POLR3B: variants seen among roughly 807,000 people sequenced by gnomAD.
POLR3B encodes RNA polymerase III subunit B, also known as DNA-directed RNA polymerase III subunit RPC2.
POLR3B carries 96 observed loss-of-function variants against 147.4 expected under a neutral mutation model. The ratio of observed to expected loss-of-function variants is 0.65; its 90% confidence interval spans 0.55 to 0.77. POLR3B has a LOEUF of 0.77. Ranked by LOEUF, POLR3B falls within the 30% of genes least tolerant of loss-of-function variation. POLR3B has a pLI of 0.00. For synonymous variants in POLR3B, 461 were observed against 485.9 expected (o/e 0.95, Z 0.67); for missense variants, 1,036 against 1,413.5 (o/e 0.73, Z 4.28).
chr12:106,477,891 C>CTTTTT (rs34915594), intron 23 of POLR3B, among the ~76,000 whole-genome samples: 962 of 70,498 alleles, frequency 0.014, 140 homozygotes, highest in South Asian at 0.026. Flanking sequence ...GGCTCCTCCC[C>CTTTTT]TTTTTTTTTT....
At chr12:106,426,267 T>TGTGTGTGTGTG (rs1565892652) in intron 12 of POLR3B, among the ~76,000 whole-genome samples, 15 of 148,996 alleles carry the variant, frequency 1.0e-4, no homozygotes, top group East Asian at 2.0e-4. Flanking sequence ...TGTGTGTGTG[T>TGTGTGTGTGTG]TTAAGACAGA....
chr12:106,484,563 C>T (rs1430310998), intron 23 of POLR3B, among the ~76,000 whole-genome samples: 2 of 151,474 alleles, frequency 1.3e-5, no homozygotes, highest in East Asian at 3.9e-4. Flanking sequence ...TTGAGACCAG[C>T]CTGGGCAGTA....
In POLR3B at chr12:106,509,448, G is replaced by A. The variant is rs1368448476; in HGVS notation, c.3301G>A (p.Val1101Met). ...CCATTACTGCAAGTCATCCTGCCAC[G>A]TGTCTTCCCTCCGTATTCCGTATGC... is the stretch of plus-strand genomic sequence containing the variant. ...WCHYCKSSCH[V>M]SSLRIPYACK... is the part of the protein sequence containing the mutation. The change falls in exon 28 of 28, where the codon GTG becomes ATG. Residue 1101 changes from valine (V) to methionine (M), a missense_variant. Coordinates refer to ENST00000228347, the MANE Select transcript of POLR3B (RefSeq NM_018082.6). 1 of 1,613,726 alleles carries A rather than the reference G, an allele frequency of 6.2e-7. No homozygotes were observed. The highest frequency in any genetic ancestry group is 1.7e-5 in the Admixed American group (1 of 60,004).
chr12:106,475,587 C>T (rs878929591), intron 23 of POLR3B, among the ~76,000 whole-genome samples: 5 of 121,436 alleles, frequency 4.1e-5, no homozygotes, highest in Admixed American at 8.0e-5. Flanking sequence ...TAGTTAGCTC[C>T]TCTTGTTGAA....
Position 106,433,800 on chromosome 12 carries a change from A to C in POLR3B, c.1709A>C (p.Glu570Ala), listed in dbSNP as rs1430069825. 1.2e-6 allele frequency: 2 copies of C among 1,613,050 alleles called. No individual in the cohort carries two copies. The highest frequency in any genetic ancestry group is 3.3e-5 in the Admixed American group (2 of 60,016). ...ATGAGAAGAGCAGGATATATCAATG[A>C]ATTTGTTTCCATCTCAACAAATCTT... ...RLMRRAGYIN[E>A]FVSISTNLTD... The change falls in exon 16 of 28, where the codon GAA becomes GCA. Residue 570 changes from glutamate (E) to alanine (A), a missense_variant. Coordinates refer to ENST00000228347, the MANE Select transcript of POLR3B (RefSeq NM_018082.6).
Position 106,421,736 on chromosome 12 carries a change from A to G in POLR3B, c.1102-5461A>G, listed in dbSNP as rs370605974. On this transcript the variant is annotated intron_variant, in intron 12 of 27. Transcript: ENST00000228347. ...ATTTTTTGAGACAGAGTCTGGCTCT[A>G]TCGCCCAGGCTGGAGTGCAGTGGCA... 1.1e-3 allele frequency among the ~76,000 whole-genome samples: 161 copies of G among 151,994 alleles called. 4 individuals are homozygous for G. The East Asian group carries it at 0.017, about 16-fold the overall frequency.
Position 106,459,366 on chromosome 12 carries a change from A to G in POLR3B, c.2568A>G (p.Ile856Met), listed in dbSNP as rs754879484. The G allele has an allele frequency of 6.9e-7, 1 of 1,442,106 alleles. No individual in the cohort carries two copies. The highest frequency in any genetic ancestry group is 9.8e-7 in the Non-Finnish European group (1 of 1,022,894). 89.3% of individuals were successfully genotyped at this position (1,442,106 alleles called of 1,614,324 possible). The change falls in exon 22 of 28, where the codon ATA becomes ATG. Residue 856 changes from isoleucine to methionine, a missense_variant and splice_region_variant. By Grantham distance (10) the Ile-to-Met change is conservative. Transcript: ENST00000228347. ...PQQPQYKDVP[I>M]TYKGATDSYI... is the part of the protein sequence containing the mutation. ...AACCACAGTACAAAGATGTACCCATAACGTATGTATTGGTTGTGCCCTGGT... is the reference window on the plus strand; with the variant it reads ...AACCACAGTACAAAGATGTACCCATGACGTATGTATTGGTTGTGCCCTGGT...
At chr12:106,450,703 G>A (rs2037783824) in intron 19 of POLR3B, among the ~76,000 whole-genome samples, 1 of 152,112 alleles carries the variant, frequency 6.6e-6, no homozygotes, top group African/African-American at 2.4e-5. Flanking sequence ...CTAAGTGTTG[G>A]TGAGGATGTG....
chr12:106,428,669 G>A (rs912788685), intron 13 of POLR3B, among the ~76,000 whole-genome samples: 7 of 152,024 alleles, frequency 4.6e-5, no homozygotes, highest in African/African-American at 1.7e-4. Context: ...CTTACTCTGT[G>A]GGCATAAGTC....
chr12:106,446,705 G>A (rs1166006402), intron 19 of POLR3B, among the ~76,000 whole-genome samples: 2 of 152,112 alleles, frequency 1.3e-5, no homozygotes, highest in Non-Finnish European at 2.9e-5. Flanking sequence ...TGACGTTACT[G>A]CTGACGCTAG....
intron 1 of POLR3B, among the ~76,000 whole-genome samples, chr12:106,361,467 T>C (rs1433899367): frequency 1.3e-5 from 2 of 152,170 alleles, no homozygotes; most frequent in African/African-American, 2.4e-5. Context: ...GGCTGTAAGG[T>C]ATCACTGCCC....
intron 22 of POLR3B, among the ~76,000 whole-genome samples, chr12:106,461,426 A>G (rs1046929715): frequency 1.1e-4 from 17 of 152,156 alleles, no homozygotes; most frequent in African/African-American, 3.6e-4. Flanking sequence ...GTATGCCAGG[A>G]ACTATTCCAG....
intron 10 of POLR3B, among the ~76,000 whole-genome samples, chr12:106,403,867 C>G (rs888819436): frequency 6.6e-6 from 1 of 150,818 alleles, no homozygotes; most frequent in Non-Finnish European, 1.5e-5. Context: ...TGCTAAATGA[C>G]GAGTTAATGG....
At chr12:106,456,047 G>A (rs751469230) in intron 20 of POLR3B, among the ~76,000 whole-genome samples, 13 of 152,102 alleles carry the variant, frequency 8.5e-5, no homozygotes, top group Non-Finnish European at 1.5e-4. Flanking sequence ...AGTAATAAGC[G>A]GCATTTAATC....
intron 2 of POLR3B, among the ~76,000 whole-genome samples, chr12:106,365,051 C>G (rs960237596): frequency 2.6e-5 from 4 of 152,116 alleles, no homozygotes; most frequent in Non-Finnish European, 5.9e-5. Flanking sequence ...AGGAGAATAG[C>G]TTGAACCTGG....
intron 26 of POLR3B, among the ~76,000 whole-genome samples, chr12:106,502,976 C>T (rs969868388): frequency 2.0e-5 from 3 of 152,096 alleles, no homozygotes; most frequent in Non-Finnish European, 4.4e-5. Context: ...GCCTCGAGTG[C>T]GTTTGTCTGT....
At position 106,496,072 on chromosome 12, in the gene POLR3B, G is replaced by A. The variant is rs770365711; in HGVS notation, c.2731G>A (p.Val911Ile). The A allele has an allele frequency of 4.0e-5, 65 of 1,609,738 alleles. 1 individual carries two copies. The Admixed American group carries it at 5.5e-4, about 14-fold the overall frequency. The change falls in exon 24 of 28, where the codon GTC becomes ATC. Residue 911 changes from valine to isoleucine, a missense_variant. Physicochemically the swap from Val to Ile is conservative, Grantham distance 29 (BLOSUM62 3). Transcript: ENST00000228347. ...TCCCCCAGGTGTTTGTGGCTTGATC[G>A]TCCCCCAGGAAGACATGCCATTTTG... Reference protein sequence around the residue: ...HGQKGVCGLIVPQEDMPFCDS... With the variant: ...HGQKGVCGLIIPQEDMPFCDS...
intron 23 of POLR3B, among the ~76,000 whole-genome samples, chr12:106,490,235 T>G (rs2038389837): frequency 1.3e-5 from 2 of 152,216 alleles, no homozygotes; most frequent in Non-Finnish European, 2.9e-5. Context: ...CTCAACACAT[T>G]TTATTAAGCT....
chr12:106,434,192 C>A (rs2037546868), intron 16 of POLR3B, among the ~76,000 whole-genome samples: 1 of 152,182 alleles, frequency 6.6e-6, no homozygotes, highest in Admixed American at 6.5e-5. Context: ...AAGGCTTTAA[C>A]TTCTTCATTC....
Sources: allele counts gnomAD v4.1 joint callset (sites outside exome capture counted in the v4.1 genomes callset), GRCh38; gene constraint gnomAD v4.1.1; transcripts MANE v1.5; gene names NCBI Gene and HGNC (gene_info 2026-07-23, HGNC 2026-07-21).